Variants in WDR75 observed in about 807,000 individuals in gnomAD.
WDR75 encodes the protein WD repeat domain 75, also known as WD repeat-containing protein 75.
In WDR75, 52 loss-of-function variants were observed where a neutral mutation model predicts 106.1. The ratio of observed to expected loss-of-function variants is 0.49; its 90% CI spans 0.39 to 0.62. The LOEUF is 0.62. Among genes scored for constraint, WDR75 ranks in the 20% least tolerant of loss-of-function variants. WDR75 has a pLI of 0.00. For synonymous variants in WDR75, 333 were observed against 335.5 expected (o/e 0.99, Z 0.08); for missense variants, 905 against 970.3 (o/e 0.93, Z 0.89).
intron 12 of WDR75, among the ~76,000 whole-genome samples, chr2:189,465,806 A>AT (rs920769828): frequency 6.6e-6 from 1 of 152,124 alleles, no homozygotes; most frequent in Non-Finnish European, 1.5e-5. Flanking sequence ...GCCCAGAGAG[A>AT]TTAAGTGGTT....
At chr2:189,442,442 CTTTTTTTT>C (rs1188214718) in intron 1 of WDR75, among the ~76,000 whole-genome samples, 4,898 of 74,052 alleles carry the variant, frequency 0.066, 155 homozygotes, top group Admixed American at 0.13. Flanking sequence ...CCACAATATT[CTTTTTTTT>C]TTTTTTTTTT....
chr2:189,467,925 A>G (rs1687036111), intron 14 of WDR75, among the ~76,000 whole-genome samples: 1 of 152,282 alleles, frequency 6.6e-6, no homozygotes, highest in African/African-American at 2.4e-5. Flanking sequence ...CATAAGCCTC[A>G]GGGGATCCAA....
intron 1 of WDR75, among the ~76,000 whole-genome samples, chr2:189,444,135 A>G (rs575060074): frequency 6.6e-6 from 1 of 152,260 alleles, no homozygotes; most frequent in South Asian, 2.1e-4. Context: ...AATAATTAAA[A>G]CCATTTATCT....
At chr2:189,474,137 G>A in intron 18 of WDR75, 49 bp from the exon 19 acceptor site, 5 of 1,572,752 alleles carry the variant, frequency 3.2e-6, no homozygotes, top group Non-Finnish European at 4.3e-6. Flanking sequence ...GTCAAACACA[G>A]TTCTTCCTTT....
intron 2 of WDR75, chr2:189,449,389 C>T (rs1686569024): frequency 1.7e-5 from 22 of 1,283,250 alleles, no homozygotes; most frequent in East Asian, 5.6e-5. Context: ...AACTTTTCTA[C>T]GGGATCCAAG....
chr2:189,470,151 G>A lies in WDR75; in HGVS notation c.1895G>A (p.Gly632Glu), dbSNP rs1419017379. 3 of 1,613,582 alleles carry A rather than the reference G, an allele frequency of 1.9e-6. No individual in the cohort carries two copies. Among genetic ancestry groups the A allele is most frequent in the Non-Finnish European group, 2.5e-6 (3 of 1,179,604 alleles). ...ATCTCCAGAGAGAAAGTCCAGTGGG[G>A]AGTGTTTGTTCCACGAGATGTCCCT... ...KGISREKVQW[G>E]VFVPRDVPES... The change falls in exon 17 of 21, where the codon GGA becomes GAA. Residue 632 changes from glycine (G) to glutamate (E), a missense_variant. Coordinates refer to ENST00000314761, the MANE Select transcript of WDR75 (RefSeq NM_032168.3).
At chr2:189,454,298 AT>A (rs1686687994) in intron 4 of WDR75, among the ~76,000 whole-genome samples, 2 of 152,108 alleles carry the variant, frequency 1.3e-5, no homozygotes, top group African/African-American at 2.4e-5. Context: ...TTAAGGAGAT[AT>A]TTTTTAAAGG....
chr2:189,471,629 C>G (rs556877471), intron 18 of WDR75, among the ~76,000 whole-genome samples: 63 of 152,278 alleles, frequency 4.1e-4, no homozygotes, highest in African/African-American at 1.5e-3. Flanking sequence ...GGTATTCTTT[C>G]AAGTCATAAA....
chr2:189,475,077 T>A, intron 20 of WDR75, 136 bp from the exon 21 acceptor site: 1 of 755,442 alleles, frequency 1.3e-6, no homozygotes, highest in Non-Finnish European at 2.1e-6. Context: ...AAATAACCCA[T>A]AATTTTTAAA....
At chr2:189,458,401 T>C (rs533404005) in intron 6 of WDR75, among the ~76,000 whole-genome samples, 7 of 152,278 alleles carry the variant, frequency 4.6e-5, no homozygotes, top group Admixed American at 1.3e-4. Context: ...CAGGTTTGAT[T>C]ATGCCTCATG....
chr2:189,459,150 G>A (rs1318106889), intron 7 of WDR75, among the ~76,000 whole-genome samples, 186 bp from the exon 8 acceptor site: 1 of 152,184 alleles, frequency 6.6e-6, no homozygotes, highest in Non-Finnish European at 1.5e-5. Flanking sequence ...GGGTACCACA[G>A]ATGGCATATT....
At chr2:189,460,657 A>G (rs900632722) in intron 8 of WDR75, among the ~76,000 whole-genome samples, 10 of 133,392 alleles carry the variant, frequency 7.5e-5, no homozygotes, top group African/African-American at 3.2e-4. Context: ...GGCACGCACC[A>G]CCACGCCCAG....
rs13389403 is a variant in WDR75, at chr2:189,451,899, T to C, written c.373+4T>C. 65,311 of 1,606,930 alleles carry C rather than the reference T, an allele frequency of 0.041. 1,849 individuals carry two copies. Among genetic ancestry groups the C allele is most frequent in the African/African-American group, 0.14 (10,323 of 74,786 alleles). ...ATAGTGAATAAAGAAAAACCAGGTA[T>C]GGTATAATTAACTTACTATATATGG... is the stretch of plus-strand genomic sequence containing the variant. On this transcript the variant is annotated splice_donor_region_variant and intron_variant, in intron 4 of 20. Transcript: ENST00000314761.
intron 17 of WDR75, 66 bp from the exon 18 acceptor site, chr2:189,470,753 T>C: frequency 3.1e-6 from 4 of 1,296,822 alleles, no homozygotes; most frequent in Non-Finnish European, 4.2e-6. Context: ...TTTAACACCC[T>C]GTAACACCTT....
At position 189,474,055 on chromosome 2, in the gene WDR75, C is replaced by A; in HGVS notation, c.2050-131C>A. On this transcript the variant is annotated intron_variant, in intron 18 of 20. Transcript: ENST00000314761. ...TGCTTTCTCTGTGAAATGAGAGGAT[C>A]ATACTAACTGGATAATTTGTAAAAT... is the stretch of plus-strand genomic sequence containing the variant. 3.2e-6 allele frequency: 3 copies of A among 941,202 alleles called. No homozygotes were observed. In the South Asian group the frequency reaches 6.0e-5, roughly 19 times the overall value. The allele number at this position is 941,202 out of a possible 1,614,324, so 58.3% of individuals were successfully genotyped here.
chr2:189,449,222 C>G (rs898725251), intron 2 of WDR75: 2 of 1,296,440 alleles, frequency 1.5e-6, no homozygotes, highest in Non-Finnish European at 2.0e-6. Context: ...TATTTTTAAT[C>G]CAATTCCATT....
chr2:189,447,145 G>A (rs1357153072), intron 1 of WDR75, among the ~76,000 whole-genome samples: 1 of 152,208 alleles, frequency 6.6e-6, no homozygotes, highest in African/African-American at 2.4e-5. Flanking sequence ...ACCAGGGAAA[G>A]TGAAACCATA....
chr2:189,452,314 C>T (rs562829216), intron 4 of WDR75, among the ~76,000 whole-genome samples: 4 of 152,264 alleles, frequency 2.6e-5, no homozygotes, highest in Non-Finnish European at 4.4e-5. Context: ...AATCCCAGCA[C>T]TATGGGAGGC....
intron 3 of WDR75, among the ~76,000 whole-genome samples, 165 bp downstream of exon 3, chr2:189,451,133 T>C (rs1245994727): frequency 6.6e-6 from 1 of 152,156 alleles, no homozygotes; most frequent in African/African-American, 2.4e-5. Flanking sequence ...ATTTTCCACT[T>C]ATAAAAGACA....
Sources: allele counts gnomAD v4.1 joint callset (sites outside exome capture counted in the v4.1 genomes callset), GRCh38; gene constraint gnomAD v4.1.1; transcripts MANE v1.5; gene names NCBI Gene and HGNC (gene_info 2026-07-23, HGNC 2026-07-21).